LRRC63: variants seen among roughly 807,000 people sequenced by gnomAD.
LRRC63 encodes the protein leucine rich repeat containing 63.
Under a neutral mutation model 49.5 loss-of-function variants are expected in LRRC63, and 40 were observed. The observed-to-expected ratio is 0.81, with a 90% CI of 0.63 to 1.05. The LOEUF is 1.05. Ranked by LOEUF, LRRC63 falls within the 50% of genes least tolerant of loss-of-function variation. The pLI is 0.00. For missense variants in LRRC63, 636 were observed against 663.1 expected (o/e 0.96, Z 0.45); for synonymous variants, 191 against 221.1 (o/e 0.86, Z 1.21).
chr13:46,259,353 T>C (rs2138567122), intron 7 of LRRC63, among the ~76,000 whole-genome samples: 1 of 152,194 alleles, frequency 6.6e-6, no homozygotes, highest in Admixed American at 6.5e-5. Flanking sequence ...TTTAGACTCA[T>C]GCCCTGAGGT....
intron 2 of LRRC63, among the ~76,000 whole-genome samples, chr13:46,224,445 A>G (rs2046508976): frequency 6.6e-6 from 1 of 152,132 alleles, no homozygotes; most frequent in African/African-American, 2.4e-5. Flanking sequence ...TCTCTTTGGT[A>G]GATTTCTCAT....
Position 46,234,366 on chromosome 13 carries a change from T to G in LRRC63, c.990+17T>G. The G allele has an allele frequency of 6.5e-7, 1 of 1,547,378 alleles. No individual in the cohort carries two copies. The highest frequency in any genetic ancestry group is 8.7e-7 in the Non-Finnish European group (1 of 1,144,956). ...AATCTGAAGGTATGCTAGATCTTTT[T>G]AATGACAGTGCCCTCCTGTATTATC... is the stretch of plus-strand genomic sequence containing the variant. On this transcript the variant is annotated intron_variant, in intron 5 of 9. Coordinates refer to ENST00000595396, the Ensembl canonical transcript of LRRC63.
intron 9 of LRRC63, among the ~76,000 whole-genome samples, chr13:46,269,820 TATAG>T (rs2047730955): frequency 6.8e-6 from 1 of 148,068 alleles, no homozygotes; most frequent in Admixed American, 6.8e-5. Flanking sequence ...TAGTAGTCGC[TATAG>T]ATATATATAC....
chr13:46,276,781 TGGA>T, exon 10 of LRRC63: 1 of 1,200,054 alleles, frequency 8.3e-7, no homozygotes, highest in South Asian at 4.2e-5. Context: ...GCTCTAGATG[TGGA>T]GTTGTCAAAA....
chr13:46,276,468 T>C (rs940010538), intron 9 of LRRC63, 122 bp from the exon 10 acceptor site: 2 of 421,836 alleles, frequency 4.7e-6, no homozygotes, highest in East Asian at 7.2e-5. Flanking sequence ...TGGGTAGCAC[T>C]CACCTAGCTG....
At chr13:46,258,411 G>C (rs1008933354) in intron 7 of LRRC63, among the ~76,000 whole-genome samples, 1 of 151,122 alleles carries the variant, frequency 6.6e-6, no homozygotes, top group Non-Finnish European at 1.5e-5. Context: ...TTACAGGCGT[G>C]AGCCCCCGCA....
chr13:46,254,746 A>T (rs1430451934), intron 7 of LRRC63, among the ~76,000 whole-genome samples: 1 of 152,176 alleles, frequency 6.6e-6, no homozygotes, highest in Non-Finnish European at 1.5e-5. Context: ...TGTTTGAGAG[A>T]TGATGCTGTG....
chr13:46,220,645 G>A (rs1369413998), intron 2 of LRRC63, among the ~76,000 whole-genome samples: 1 of 139,922 alleles, frequency 7.1e-6, no homozygotes, highest in Non-Finnish European at 1.6e-5. Flanking sequence ...GCACCACTGG[G>A]GTATGAAAAA....
chr13:46,252,345 C>A (rs1184168553), intron 7 of LRRC63, among the ~76,000 whole-genome samples: 1 of 151,906 alleles, frequency 6.6e-6, no homozygotes, highest in Non-Finnish European at 1.5e-5. Flanking sequence ...TTTAGTGAAC[C>A]AAACCATTAT....
chr13:46,248,063 A>G (rs1049779516), intron 6 of LRRC63, among the ~76,000 whole-genome samples: 3 of 152,080 alleles, frequency 2.0e-5, no homozygotes, highest in Non-Finnish European at 4.4e-5. Flanking sequence ...ATAAATCTGA[A>G]GTAAATTCTG....
chr13:46,244,320 A>G (rs9595441), intron 5 of LRRC63, among the ~76,000 whole-genome samples: 2,237 of 152,190 alleles, frequency 0.015, 59 homozygotes, highest in African/African-American at 0.051. Context: ...ATGAAGTAGT[A>G]GAATATTTTT....
chr13:46,231,653 G>T (rs997390592), intron 4 of LRRC63, among the ~76,000 whole-genome samples: 2 of 151,918 alleles, frequency 1.3e-5, no homozygotes, highest in African/African-American at 2.4e-5. Context: ...GGGACTGCAG[G>T]CATGCACCAC....
At chr13:46,251,653 T>C (rs1481134637) in intron 7 of LRRC63, among the ~76,000 whole-genome samples, 1 of 151,896 alleles carries the variant, frequency 6.6e-6, no homozygotes, top group Non-Finnish European at 1.5e-5. Flanking sequence ...GTATGTATAC[T>C]AACCCATGTG....
chr13:46,232,501 T>C (rs763133078), intron 4 of LRRC63, among the ~76,000 whole-genome samples: 1 of 152,200 alleles, frequency 6.6e-6, no homozygotes, highest in Non-Finnish European at 1.5e-5. Context: ...GGAATTTCCG[T>C]TGAAATTCCA....
intron 2 of LRRC63, among the ~76,000 whole-genome samples, chr13:46,226,380 A>G (rs999287189): frequency 5.9e-5 from 9 of 152,176 alleles, no homozygotes; most frequent in African/African-American, 1.9e-4. Context: ...TAAAAATTAA[A>G]GTGAGAATCA....
At chr13:46,238,031 A>C (rs2046952491) in intron 5 of LRRC63, among the ~76,000 whole-genome samples, 2 of 152,164 alleles carry the variant, frequency 1.3e-5, no homozygotes, top group African/African-American at 4.8e-5. Flanking sequence ...CAGGCTTTAA[A>C]CCAACAAAGA....
At chr13:46,242,456 T>A (rs922992745) in intron 5 of LRRC63, among the ~76,000 whole-genome samples, 6 of 152,130 alleles carry the variant, frequency 3.9e-5, no homozygotes, top group Non-Finnish European at 8.8e-5. Context: ...TGTGTATCCC[T>A]GAACTTAAAA....
At chr13:46,227,959 A>T in exon 3 of LRRC63, 2 of 1,550,858 alleles carry the variant, frequency 1.3e-6, no homozygotes, top group Non-Finnish European at 1.7e-6. Flanking sequence ...CACCCTAAGC[A>T]TCAACCTTTA....
intron 3 of LRRC63, 148 bp from the exon 4 acceptor site, chr13:46,228,516 AT>A (rs1387571913): frequency 1.6e-6 from 1 of 625,294 alleles, no homozygotes; most frequent in East Asian, 2.7e-5. Context: ...CAGAAGTAGA[AT>A]GCCAGTGCTG....
Sources: gnomAD v4.1 joint callset for allele counts (sites outside exome capture counted in the v4.1 genomes callset) on GRCh38, gnomAD v4.1.1 for gene constraint, MANE v1.5 for transcripts, NCBI Gene and HGNC (gene_info 2026-07-23, HGNC 2026-07-21) for gene names.